The following ATF6 variants were observed in gnomAD, a reference collection of about 807,000 sequenced individuals.
The protein encoded by ATF6 is cyclic AMP-dependent transcription factor ATF-6 alpha.
In ATF6, 53 loss-of-function variants were observed where a neutral mutation model predicts 83.6. That is an observed-to-expected ratio of 0.63 (90% CI 0.51 to 0.80). ATF6 has a LOEUF of 0.80. ATF6 is among the 30% of genes least tolerant of loss of function. The pLI is 0.00. For missense variants in ATF6, 744 were observed against 797.9 expected (o/e 0.93, Z 0.81); for synonymous variants, 288 against 285.8 (o/e 1.01, Z -0.08).
chr1:161,955,563 G>A lies in ATF6; in HGVS notation c.1805-2883G>A, dbSNP rs138966305. 8.9e-3 allele frequency among the ~76,000 whole-genome samples: 1,357 copies of A among 152,274 alleles called. 13 individuals carry two copies. Among genetic ancestry groups the A allele is most frequent in the Admixed American group, 0.015 (229 of 15,300 alleles). On this transcript the variant is annotated intron_variant, in intron 15 of 15. Transcript: ENST00000367942. ...CTTTAATTAAAATAATTAGAGCCTC[G>A]TCAGTAATGACGAGATTGCCTCACT...
intron 7 of ATF6, among the ~76,000 whole-genome samples, chr1:161,818,033 G>A (rs1207485268): frequency 5.4e-5 from 8 of 147,798 alleles, no homozygotes; most frequent in Non-Finnish European, 1.2e-4. Flanking sequence ...CCTGGGAGGC[G>A]GAGCTTGCAG....
Position 161,860,267 on chromosome 1 carries a change from A to G in ATF6, c.1594A>G (p.Ser532Gly), listed in dbSNP as rs145763916. ...LMAVQYTETT[S>G]SISRNSGSEL... ...GGCTGTTCAATACACAGAAACCACT[A>G]GTAGTATCAGGTAAGACAGTGCAGA... Residue 532 changes from serine (S) to glycine (G), a missense_variant, in exon 13 of 16, where the codon AGT becomes GGT. Ser to Gly is a moderately conservative substitution (Grantham distance 56). Coordinates refer to ENST00000367942, the MANE Select transcript of ATF6 (RefSeq NM_007348.4). 47 of 1,601,432 alleles carry G rather than the reference A, an allele frequency of 2.9e-5. No homozygotes were observed. The highest frequency in any genetic ancestry group is 3.9e-5 in the Non-Finnish European group (46 of 1,173,370).
intron 13 of ATF6, among the ~76,000 whole-genome samples, chr1:161,861,820 C>T (rs1686891942): frequency 6.6e-6 from 1 of 152,066 alleles, no homozygotes. Context: ...TATTTTTGTG[C>T]TTTTTGTTGG....
At chr1:161,915,480 A>G (rs1409534505) in intron 15 of ATF6, among the ~76,000 whole-genome samples, 2 of 152,150 alleles carry the variant, frequency 1.3e-5, no homozygotes, top group Non-Finnish European at 2.9e-5. Context: ...CATCATTGCC[A>G]ACTTCTAAGG....
At position 161,886,117 on chromosome 1, in the gene ATF6, G is replaced by A. The variant is rs186420695; in HGVS notation, c.1719+22805G>A. On this transcript the variant is annotated intron_variant, in intron 14 of 15. Coordinates refer to ENST00000367942, the MANE Select transcript of ATF6 (RefSeq NM_007348.4). ...AGGATGAGTAGGGTAGAGAGTAGGA[G>A]GAAGATGAGGCAGTGTGGCATTTCA... Among the ~76,000 whole-genome samples, 428 of 152,294 alleles carry A rather than the reference G, an allele frequency of 2.8e-3. 1 individual carries two copies. The highest frequency in any genetic ancestry group is 0.01 in the African/African-American group (421 of 41,560).
At chr1:161,947,838 T>TTTTTTTG (rs1558036949) in intron 15 of ATF6, among the ~76,000 whole-genome samples, 1 of 80,430 alleles carries the variant, frequency 1.2e-5, no homozygotes, top group African/African-American at 3.9e-5. Context: ...TTTTTTTTTT[T>TTTTTTTG]TTTGAGATGG....
At chr1:161,796,012 G>A (rs1392465578) in intron 6 of ATF6, among the ~76,000 whole-genome samples, 1 of 152,220 alleles carries the variant, frequency 6.6e-6, no homozygotes, top group Middle Eastern at 3.4e-3. Flanking sequence ...GATACAATAT[G>A]GGAAAAAAAG....
At chr1:161,942,515 A>C (rs559424487) in intron 15 of ATF6, among the ~76,000 whole-genome samples, 6 of 152,208 alleles carry the variant, frequency 3.9e-5, no homozygotes, top group Non-Finnish European at 7.3e-5. Context: ...TTATAGATGA[A>C]GTCTGTGATT....
chr1:161,930,792 G>A (rs947475894), intron 15 of ATF6, among the ~76,000 whole-genome samples: 2 of 151,924 alleles, frequency 1.3e-5, no homozygotes, highest in Non-Finnish European at 2.9e-5. Flanking sequence ...TAGAATACAA[G>A]ACATAACACA....
chr1:161,800,653 A>T (rs1290397144), intron 6 of ATF6, among the ~76,000 whole-genome samples: 1 of 152,214 alleles, frequency 6.6e-6, no homozygotes, highest in African/African-American at 2.4e-5. Context: ...AACAACAAAA[A>T]ATGGCAGCTT....
At chr1:161,783,213 A>G (rs997586360) in intron 3 of ATF6, among the ~76,000 whole-genome samples, 3 of 152,086 alleles carry the variant, frequency 2.0e-5, no homozygotes, top group African/African-American at 4.8e-5. Flanking sequence ...ACATAGCATT[A>G]CTTCTATCTT....
chr1:161,935,802 G>A (rs1028310496), intron 15 of ATF6, among the ~76,000 whole-genome samples: 1 of 152,188 alleles, frequency 6.6e-6, no homozygotes, highest in South Asian at 2.1e-4. Context: ...GCATATGAAA[G>A]CATTCATAAT....
rs536720588 is a variant in ATF6, at chr1:161,802,378, T to C, written c.909+106T>C. 2.7e-5 allele frequency: 26 copies of C among 952,780 alleles called. No individual in the cohort carries two copies. The East Asian group carries it at 4.4e-4, about 16-fold the overall frequency. The allele number at this position is 952,780 out of a possible 1,614,324, so 59.0% of individuals were successfully genotyped here. On this transcript the variant is annotated intron_variant, in intron 7 of 15. Coordinates refer to ENST00000367942, the MANE Select transcript of ATF6 (RefSeq NM_007348.4). The stretch of plus-strand genomic sequence containing the variant: ...TTTTTGTTTTTTTTAGAGTTTCTTA[T>C]ATTGCATCAAATAAAAGAGTGTGCT...
rs1686641042 is a variant in ATF6, at chr1:161,851,922, T to A, written c.1433+87T>A. 5 of 900,280 alleles carry A rather than the reference T, an allele frequency of 5.6e-6. 1 individual carries two copies. In the South Asian group the frequency reaches 6.0e-5, roughly 11 times the overall value. The allele number at this position is 900,280 out of a possible 1,614,324, so 55.8% of individuals were successfully genotyped here. Reference sequence around the variant, plus strand: ...TAGACAAGTAATTGGTCAAGTTCACTAAGTGACTGAGAGAATCTCTGAATT... The same window carrying A: ...TAGACAAGTAATTGGTCAAGTTCACAAAGTGACTGAGAGAATCTCTGAATT... On this transcript the variant is annotated intron_variant, in intron 11 of 15. Transcript: ENST00000367942.
At chr1:161,809,229 G>T (rs1685387943) in intron 7 of ATF6, among the ~76,000 whole-genome samples, 1 of 149,000 alleles carries the variant, frequency 6.7e-6, no homozygotes, top group African/African-American at 2.5e-5. Flanking sequence ...GGTGTGTGAT[G>T]TTCCCCTTCC....
At chr1:161,846,322 A>G (rs1360318481) in intron 9 of ATF6, 127 bp from the exon 10 acceptor site, 18 of 1,026,004 alleles carry the variant, frequency 1.8e-5, no homozygotes, top group Middle Eastern at 2.6e-4. Context: ...ACTTGCGTCT[A>G]TGCCTAGCAT....
intron 15 of ATF6, among the ~76,000 whole-genome samples, chr1:161,914,296 G>T (rs190942185): frequency 6.6e-6 from 1 of 152,196 alleles, no homozygotes; most frequent in Non-Finnish European, 1.5e-5. Flanking sequence ...AGCAGGGCAG[G>T]TGGTATCCTT....
intron 7 of ATF6, among the ~76,000 whole-genome samples, chr1:161,802,963 C>T (rs979106108): frequency 6.6e-6 from 1 of 152,176 alleles, no homozygotes; most frequent in Non-Finnish European, 1.5e-5. Context: ...AATTGAACAT[C>T]TTGGTCCTAA....
At chr1:161,922,191 A>G (rs189325718) in intron 15 of ATF6, among the ~76,000 whole-genome samples, 11 of 152,282 alleles carry the variant, frequency 7.2e-5, no homozygotes, top group African/African-American at 2.6e-4. Context: ...TGCTTTTGTT[A>G]TATCATTATC....
Sources: gnomAD v4.1 joint callset for allele counts (sites outside exome capture counted in the v4.1 genomes callset) on GRCh38, gnomAD v4.1.1 for gene constraint, MANE v1.5 for transcripts, NCBI Gene and HGNC (gene_info 2026-07-23, HGNC 2026-07-21) for gene names.